The following IQSEC3 variants were observed in gnomAD, a reference collection of about 807,000 sequenced individuals.
The protein encoded by IQSEC3 is IQ motif and Sec7 domain ArfGEF 3.
A neutral mutation model predicts 105.4 loss-of-function variants in IQSEC3; 50 were observed. That is an observed-to-expected ratio of 0.47 (90% CI 0.38 to 0.60). IQSEC3 has a LOEUF of 0.60. IQSEC3 is among the 20% of genes least tolerant of loss of function. The pLI, the probability that IQSEC3 is intolerant of heterozygous loss-of-function variation, is 0.00. For missense variants in IQSEC3, 1,415 were observed against 1,630.0 expected (o/e 0.87, Z 2.27); for synonymous variants, 708 against 746.0 (o/e 0.95, Z 0.83).
At chr12:69,958 C>A (rs1333318651) in intron 1 of IQSEC3, among the ~76,000 whole-genome samples, 1 of 152,260 alleles carries the variant, frequency 6.6e-6, no homozygotes, top group Non-Finnish European at 1.5e-5. Flanking sequence ...AGAGCAGAGC[C>A]AGCAGCCCCC....
chr12:91,880 A>G (rs782145770), intron 1 of IQSEC3, among the ~76,000 whole-genome samples: 4 of 152,106 alleles, frequency 2.6e-5, no homozygotes, highest in Admixed American at 1.3e-4. Context: ...AGTGCAGACC[A>G]TTGACTCCCA....
At chr12:93,552 G>A (rs543214000) in intron 1 of IQSEC3, among the ~76,000 whole-genome samples, 1 of 152,380 alleles carries the variant, frequency 6.6e-6, no homozygotes, top group East Asian at 1.9e-4. Context: ...GATTCAGGAA[G>A]AAGCTTGGAG....
chr12:71,288 T>C (rs540962247), intron 1 of IQSEC3, among the ~76,000 whole-genome samples: 92 of 152,374 alleles, frequency 6.0e-4, no homozygotes, highest in African/African-American at 2.2e-3. Context: ...AAAGAAAGTG[T>C]GAAGGTCTGT....
chr12:70,879 C>T (rs2136857387), intron 1 of IQSEC3, among the ~76,000 whole-genome samples: 1 of 152,402 alleles, frequency 6.6e-6, no homozygotes, highest in South Asian at 2.1e-4. Context: ...GGCTCCACAG[C>T]TCCTGTCTTC....
chr12:78,443 C>A (rs1458904054), intron 1 of IQSEC3, among the ~76,000 whole-genome samples: 3 of 151,542 alleles, frequency 2.0e-5, no homozygotes, highest in Non-Finnish European at 2.9e-5. Context: ...ACGGTGACAC[C>A]GAGGTACAAA....
At chr12:81,622 T>C (rs775310419) in intron 1 of IQSEC3, among the ~76,000 whole-genome samples, 4 of 151,688 alleles carry the variant, frequency 2.6e-5, no homozygotes, top group Non-Finnish European at 4.4e-5. Context: ...GATGAGGAGG[T>C]TTGAGCATTT....
chr12:172,488 T>A (rs562053476), intron 13 of IQSEC3, among the ~76,000 whole-genome samples: 1 of 152,190 alleles, frequency 6.6e-6, no homozygotes, highest in Non-Finnish European at 1.5e-5. Context: ...TCCTCCCTCC[T>A]GCCCTAACAG....
intron 2 of IQSEC3, among the ~76,000 whole-genome samples, chr12:123,955 C>T (rs1555082476): frequency 1.3e-5 from 2 of 152,164 alleles, no homozygotes; most frequent in African/African-American, 4.8e-5. Context: ...ATCCCCGTGG[C>T]CCCTGGGTTC....
chr12:73,910 C>G (rs1440422103), intron 1 of IQSEC3, among the ~76,000 whole-genome samples: 1 of 152,284 alleles, frequency 6.6e-6, no homozygotes, highest in Non-Finnish European at 1.5e-5. Flanking sequence ...ATCTGTAATG[C>G]TGTCTCACAA....
rs543295856 is a variant in IQSEC3 at position 113,848 on chromosome 12, GAGAA to G, written c.624-11781_624-11778del. On this transcript the variant is annotated intron_variant, in intron 2 of 13. Coordinates refer to ENST00000538872, the MANE Select transcript of IQSEC3 (RefSeq NM_001170738.2). The stretch of plus-strand genomic sequence containing the variant: ...TGTGGATTCCTTTCTAGCTTGGAAA[GAGAA>G]AGAGAGAGGCGAGGAAGTGGCAAAG... Among the ~76,000 whole-genome samples, 7 of 152,356 alleles carry G rather than the reference GAGAA, an allele frequency of 4.6e-5. No individual in the cohort carries two copies. The East Asian group carries it at 7.7e-4, about 17-fold the overall frequency.
chr12:137,942 G>T (rs974610803), intron 3 of IQSEC3, among the ~76,000 whole-genome samples: 1 of 151,934 alleles, frequency 6.6e-6, no homozygotes, highest in African/African-American at 2.4e-5. Context: ...AGGACTGCAG[G>T]CCTGAGCTAA....
In IQSEC3 at chr12:139,005, G is replaced by A. The variant is rs781787069; in HGVS notation, c.1642G>A (p.Ala548Thr). The change falls in exon 4 of 14, where the codon GCG (alanine) becomes ACG (threonine). Residue 548 changes from alanine (A) to threonine (T), a missense_variant. By Grantham distance (58) the Ala-to-Thr change is moderately conservative. Around this residue, in one of 6 missense-constraint regions of IQSEC3, gnomAD observed 720 missense variants for 633.0 expected, o/e 1.14. Coordinates refer to ENST00000538872, the MANE Select transcript of IQSEC3 (RefSeq NM_001170738.2). Reference protein sequence around the residue: ...PEAPAVGREDASAEDSCAEAA... With the variant: ...PEAPAVGREDTSAEDSCAEAA... ...AGCCCCCGCCGTGGGCCGGGAGGAC[G>A]CGTCAGCCGAGGACTCATGCGCAGA... is the stretch of plus-strand genomic sequence containing the variant. 3.3e-6 allele frequency: 5 copies of A among 1,524,272 alleles called. No individual in the cohort carries two copies. Among genetic ancestry groups the A allele is most frequent in the Admixed American group, 4.2e-5 (2 of 47,182 alleles). The allele number at this position is 1,524,272 out of a possible 1,614,324, so 94.4% of individuals were successfully genotyped here.
chr12:167,779 T>C (rs1304512530), intron 11 of IQSEC3: 1 of 152,148 alleles, frequency 6.6e-6, no homozygotes, highest in Non-Finnish European at 1.5e-5. Flanking sequence ...CACAACAGCT[T>C]TCCACAGTGG....
intron 7 of IQSEC3, among the ~76,000 whole-genome samples, chr12:160,426 A>G (rs1555095822): frequency 6.6e-6 from 1 of 152,132 alleles, no homozygotes; most frequent in African/African-American, 2.4e-5. Context: ...TACCCAGAAG[A>G]TAAATGTTCA....
At chr12:144,668 G>A (rs1000156739) in intron 5 of IQSEC3, 3 of 152,162 alleles carry the variant, frequency 2.0e-5, no homozygotes, top group South Asian at 2.1e-4. Flanking sequence ...TTCAGAATTC[G>A]GCCCTCAGCG....
chr12:141,517 C>T (rs1565430185), intron 5 of IQSEC3: 1 of 498,774 alleles, frequency 2.0e-6, no homozygotes, highest in Non-Finnish European at 3.5e-6. Context: ...TCGTTTGAGG[C>T]AGCAGGGATA....
At chr12:68,801 G>T (rs548975393) in intron 1 of IQSEC3, among the ~76,000 whole-genome samples, 19 of 152,234 alleles carry the variant, frequency 1.2e-4, no homozygotes, top group African/African-American at 4.3e-4. Flanking sequence ...TAGAGAAGTT[G>T]GGTTAGGGCA....
At chr12:166,081 AGT>A (rs1273629176) in intron 11 of IQSEC3, 191 bp downstream of exon 11, 37 of 625,964 alleles carry the variant, frequency 5.9e-5, no homozygotes, top group Non-Finnish European at 1.9e-5. Context: ...TCACAATTAA[AGT>A]GAGGCTTGCT....
rs782020391 is a variant in IQSEC3, at chr12:139,577, GA to G, written c.1991+230del. On this transcript the variant is annotated intron_variant, in intron 4 of 13. Coordinates refer to ENST00000538872, the MANE Select transcript of IQSEC3 (RefSeq NM_001170738.2). ...GAGTTTATTTTAAGAAAGATTAAAG[GA>G]AAAAAATAACACATCAGACACATGC... is the stretch of plus-strand genomic sequence containing the variant. 1.3e-4 allele frequency: 57 copies of G among 439,342 alleles called. 1 individual carries two copies. Among genetic ancestry groups the G allele is most frequent in the African/African-American group, 1.0e-3 (50 of 50,150 alleles). 27.2% of individuals were successfully genotyped at this position (439,342 alleles called of 1,614,324 possible).
Sources: allele counts gnomAD v4.1 joint callset (sites outside exome capture counted in the v4.1 genomes callset), GRCh38; gene constraint gnomAD v4.1.1; regional missense constraint gnomAD v4.1.1; transcripts MANE v1.5; gene names NCBI Gene and HGNC (gene_info 2026-07-23, HGNC 2026-07-21).